Variants in PRMT8 observed in about 807,000 individuals in gnomAD.
PRMT8 encodes protein arginine methyltransferase 8, also known as protein arginine N-methyltransferase 8.
PRMT8 carries 7 observed loss-of-function variants against 47.1 expected under a neutral mutation model. The ratio of observed to expected loss-of-function variants is 0.15; its 90% CI spans 0.08 to 0.28. PRMT8 has a LOEUF of 0.28. Ranked by LOEUF, PRMT8 falls within the 10% of genes least tolerant of loss-of-function variation. PRMT8 has a pLI of 1.00. For synonymous variants in PRMT8, 188 were observed against 186.5 expected (o/e 1.01, Z -0.07); for missense variants, 237 against 505.4 (o/e 0.47, Z 5.09).
At chr12:3,506,443 C>T (rs1299742692) in intron 1 of PRMT8, among the ~76,000 whole-genome samples, 1 of 152,124 alleles carries the variant, frequency 6.6e-6, no homozygotes, top group African/African-American at 2.4e-5. Context: ...TCAGGCAATT[C>T]ATCCTCAGGT....
chr12:3,412,113 C>T (rs1470065098), intron 1 of PRMT8, among the ~76,000 whole-genome samples: 3 of 152,142 alleles, frequency 2.0e-5, no homozygotes, highest in Non-Finnish European at 2.9e-5. Context: ...ATGCTATAAC[C>T]GACTGCACAC....
At chr12:3,419,697 A>G (rs1336019304) in intron 1 of PRMT8, among the ~76,000 whole-genome samples, 1 of 151,668 alleles carries the variant, frequency 6.6e-6, no homozygotes, top group East Asian at 1.9e-4. Flanking sequence ...ATTCCCTCCT[A>G]TCCATTGTAC....
chr12:3,513,927 C>T (rs1865748823), intron 1 of PRMT8, among the ~76,000 whole-genome samples: 1 of 152,188 alleles, frequency 6.6e-6, no homozygotes, highest in Non-Finnish European at 1.5e-5. Context: ...CACAATTATA[C>T]CAGGTACTGC....
chr12:3,510,780 C>T (rs1475396280), intron 1 of PRMT8, among the ~76,000 whole-genome samples: 1 of 152,118 alleles, frequency 6.6e-6, no homozygotes. Context: ...TCAGAGTTTT[C>T]AGAGGTCTTC....
rs561382465 is a variant in PRMT8, at chr12:3,593,063, G to A, written c.1102-36G>A. On this transcript the variant is annotated intron_variant, in intron 9 of 9. Transcript: ENST00000382622. The surrounding 1 kb of genome is among the most constrained non-coding windows in gnomAD (Gnocchi z 4.8). ...TGGGGCTGTGGCTTCATACCCAGAC[G>A]GCCGCCTGACCCTTCGCTCTCTCTC... 40 of 1,578,170 alleles carry A rather than the reference G, an allele frequency of 2.5e-5. No homozygotes were observed. The highest frequency in any genetic ancestry group is 1.9e-4 in the South Asian group (17 of 89,912).
intron 2 of PRMT8, among the ~76,000 whole-genome samples, chr12:3,541,017 G>A (rs1866218902): frequency 6.6e-6 from 1 of 152,208 alleles, no homozygotes; most frequent in African/African-American, 2.4e-5. Context: ...ATACTCCACA[G>A]CCAGAGAGAG....
chr12:3,428,223 T>A (rs1337321781), intron 1 of PRMT8, among the ~76,000 whole-genome samples: 2 of 151,800 alleles, frequency 1.3e-5, no homozygotes, highest in Non-Finnish European at 2.9e-5. Context: ...GTGGCTAATG[T>A]TATTAAATCA....
At chr12:3,381,426 T>G (rs985007494) in exon 1 of PRMT8, 1 of 1,536,050 alleles carries the variant, frequency 6.5e-7, no homozygotes, top group Non-Finnish European at 8.7e-7. Flanking sequence ...GGATTCAAGC[T>G]GAAAGAGGTT....
rs1190307741 is a variant in PRMT8, at chr12:3,538,311, A to G, written c.76-2295A>G. The G allele has an allele frequency of 4.6e-6, 1 of 219,694 alleles. No individual in the cohort carries two copies. Among genetic ancestry groups the G allele is most frequent in the Non-Finnish European group, 9.3e-6 (1 of 107,794 alleles). 13.6% of individuals were successfully genotyped at this position (219,694 alleles called of 1,614,324 possible). On this transcript the variant is annotated intron_variant, in intron 1 of 9. Coordinates refer to ENST00000382622, the MANE Select transcript of PRMT8 (RefSeq NM_019854.5). This position sits in a 1 kb window ranked among gnomAD's most constrained non-coding sequence, Gnocchi z 4.6. ...TATCAGAGACAATAAGGGTCTTAGA[A>G]TCTAGAAAACAGGGTCCTGGGAGGG... is the stretch of plus-strand genomic sequence containing the variant.
chr12:3,475,536 C>T (rs375112918), intron 1 of PRMT8, among the ~76,000 whole-genome samples: 8 of 152,220 alleles, frequency 5.3e-5, no homozygotes, highest in African/African-American at 9.6e-5. Context: ...CCTCGGGATC[C>T]GGGTCAGGCT....
rs143816770 is a variant in PRMT8, at chr12:3,434,077, C to T, written c.48+52635C>T. ...AGCAGGAAGGGAGAATGAAAAGGAA[C>T]GTGAAGAGCCTTGGACACAACAATG... On this transcript the variant is annotated intron_variant, in intron 1 of 9. Coordinates refer to the PRMT8 transcript ENST00000452611. Among the ~76,000 whole-genome samples, 499 of 152,238 alleles carry T rather than the reference C, an allele frequency of 3.3e-3. 8 individuals are homozygous for T. The East Asian group carries it at 0.034, about 10-fold the overall frequency.
At chr12:3,384,344 A>ATGTTTT (rs1459962781) in intron 1 of PRMT8, among the ~76,000 whole-genome samples, 2 of 150,642 alleles carry the variant, frequency 1.3e-5, no homozygotes, top group African/African-American at 4.9e-5. Context: ...TGCTATGATC[A>ATGTTTT]TGTTTTTGTT....
At chr12:3,536,258 G>T (rs1247171229) in intron 1 of PRMT8, among the ~76,000 whole-genome samples, 2 of 152,250 alleles carry the variant, frequency 1.3e-5, no homozygotes, top group East Asian at 3.8e-4. Flanking sequence ...AGCCTTCAGG[G>T]AGAGGGTATG....
chr12:3,505,304 A>G (rs1865604348), intron 1 of PRMT8, among the ~76,000 whole-genome samples: 1 of 152,166 alleles, frequency 6.6e-6, no homozygotes. Flanking sequence ...TTTTTGGATG[A>G]CACAATTCAA....
At position 3,593,284 on chromosome 12, in the gene PRMT8, C is replaced by A; in HGVS notation, c.*102C>A. 9.9e-7 allele frequency: 1 copy of A among 1,013,626 alleles called. No homozygotes were observed. Among genetic ancestry groups the A allele is most frequent in the Non-Finnish European group, 1.5e-6 (1 of 681,892 alleles). 62.8% of individuals were successfully genotyped at this position (1,013,626 alleles called of 1,614,324 possible). ...GTTTGCAGGACTACACACTTGAAAA[C>A]CAGAGTTTTCAACTCTGCCTTGAAG... On this transcript the variant is annotated 3_prime_UTR_variant, in exon 10 of 10. Coordinates refer to ENST00000382622, the MANE Select transcript of PRMT8 (RefSeq NM_019854.5). This position sits in a 1 kb window ranked among gnomAD's most constrained non-coding sequence, Gnocchi z 4.8.
At position 3,540,800 on chromosome 12, in the gene PRMT8, TC is replaced by T; in HGVS notation, c.261+12del. 6.2e-7 allele frequency: 1 copy of T among 1,612,130 alleles called. No individual in the cohort carries two copies. On this transcript the variant is annotated intron_variant, in intron 2 of 9. Transcript: ENST00000382622. Reference sequence around the variant, plus strand: ...ACTTTGGGATCCACGAGGTAAAGTGTCCCGAGTGGGTGGCTAATGGGGCGAG... The same window carrying T: ...ACTTTGGGATCCACGAGGTAAAGTGTCCGAGTGGGTGGCTAATGGGGCGAG...
Position 3,505,056 on chromosome 12 carries a change from C to T in PRMT8, c.75+13356C>T, listed in dbSNP as rs530039547. On this transcript the variant is annotated intron_variant, in intron 1 of 9. Coordinates refer to ENST00000382622, the MANE Select transcript of PRMT8 (RefSeq NM_019854.5). ...GGTGAGGCAATGCCTCGCCCTGCTT[C>T]GGCTCGCGCACGGTGCGCACACACA... is the stretch of plus-strand genomic sequence containing the variant. Among the ~76,000 whole-genome samples the T allele has an allele frequency of 9.3e-5, 13 of 139,136 alleles. No individual in the cohort carries two copies. The East Asian group carries it at 1.7e-3, about 18-fold the overall frequency. 91.3% of individuals were successfully genotyped at this position (139,136 alleles called of 152,430 possible).
chr12:3,483,804 G>T (rs1865297306), intron 1 of PRMT8, among the ~76,000 whole-genome samples: 1 of 152,144 alleles, frequency 6.6e-6, no homozygotes, highest in African/African-American at 2.4e-5. Flanking sequence ...TCTGCGATTT[G>T]TGTCATTCAT....
chr12:3,392,810 T>G (rs908695796), intron 1 of PRMT8, among the ~76,000 whole-genome samples: 1 of 151,884 alleles, frequency 6.6e-6, no homozygotes, highest in Non-Finnish European at 1.5e-5. Context: ...ATGGTTGAAC[T>G]AGTTTACAGT....
Sources: gnomAD v4.1 joint callset for allele counts (sites outside exome capture counted in the v4.1 genomes callset) on GRCh38, gnomAD v4.1.1 for gene constraint, Gnocchi (gnomAD v3.1) non-coding constraint, MANE v1.5 for transcripts, NCBI Gene and HGNC (gene_info 2026-07-23, HGNC 2026-07-21) for gene names.